SEC14L5: variants seen among roughly 807,000 people sequenced by gnomAD.
SEC14L5 encodes SEC14 like lipid binding 5, also known as SEC14-like protein 5.
In SEC14L5, 96 loss-of-function variants were observed where a neutral mutation model predicts 84.6. That is an observed-to-expected ratio of 1.13 (90% CI 0.96 to 1.34). The LOEUF is 1.34. Among genes scored for constraint, SEC14L5 ranks in the 40% most tolerant of loss-of-function variants. The pLI is 0.00. For missense variants in SEC14L5, 1,224 were observed against 942.5 expected (o/e 1.30, Z -3.91); for synonymous variants, 546 against 383.4 (o/e 1.42, Z -4.95).
chr16:5,014,991 C>A lies in SEC14L5; in HGVS notation c.*21C>A, dbSNP rs773333113. ...GATAGCCGGGCCCAGTGTTTCAGGG[C>A]CGCCCGCTCGCCTCCAGTGTCCAGA... On this transcript the variant is annotated 3_prime_UTR_variant, in exon 16 of 16. Coordinates refer to ENST00000251170, the MANE Select transcript of SEC14L5 (RefSeq NM_014692.2). 1 of 1,566,850 alleles carries A rather than the reference C, an allele frequency of 6.4e-7. No homozygotes were observed. The highest frequency in any genetic ancestry group is 8.7e-7 in the Non-Finnish European group (1 of 1,143,888).
Position 4,997,040 on chromosome 16 carries a change from C to T in SEC14L5, c.966C>T (p.Asp322=), listed in dbSNP as rs1055765862. 3 of 1,606,246 alleles carry T rather than the reference C, an allele frequency of 1.9e-6. No homozygotes were observed. Among genetic ancestry groups the T allele is most frequent in the South Asian group, 2.2e-5 (2 of 90,006 alleles). The change falls in exon 8 of 16, where the codon GAC becomes GAT. Residue 322 remains aspartate (D), a synonymous_variant. Coordinates refer to ENST00000251170, the MANE Select transcript of SEC14L5 (RefSeq NM_014692.2). ...EFYAGGWHYQ[D]IDGRPLYILR... is the part of the protein sequence containing the mutation. ...ATGCAGGGGGCTGGCATTACCAGGA[C>T]ATAGGTGCGTGCCTCCACCCACATC...
intron 2 of SEC14L5, among the ~76,000 whole-genome samples, chr16:4,984,107 G>A (rs1193522342): frequency 6.6e-6 from 1 of 152,042 alleles, no homozygotes; most frequent in Non-Finnish European, 1.5e-5. Context: ...AAGCTTCACC[G>A]CAATCAGCTT....
Position 5,015,604 on chromosome 16 carries a change from A to T in SEC14L5, c.*634A>T, listed in dbSNP as rs944368284. On this transcript the variant is annotated 3_prime_UTR_variant, in exon 16 of 16. Coordinates refer to ENST00000251170, the MANE Select transcript of SEC14L5 (RefSeq NM_014692.2). ...GATCACATGCACATCTCTGGAACCA[A>T]CCACCTGCTCTCAAAAGCACTAGTG... 1 of 152,816 alleles carries T rather than the reference A, an allele frequency of 6.5e-6. No individual in the cohort carries two copies. The highest frequency in any genetic ancestry group is 2.4e-5 in the African/African-American group (1 of 41,468). The allele number at this position is 152,816 out of a possible 1,614,324, so 9.5% of individuals were successfully genotyped here.
At chr16:5,009,473 G>C (rs1161796646) in intron 14 of SEC14L5, among the ~76,000 whole-genome samples, 1 of 151,946 alleles carries the variant, frequency 6.6e-6, no homozygotes, top group East Asian at 1.9e-4. Context: ...ACAGGTTCCC[G>C]CCACCATGTC....
intron 2 of SEC14L5, among the ~76,000 whole-genome samples, chr16:4,966,098 C>T (rs12930778): frequency 0.49 from 74,780 of 151,418 alleles, 18,618 homozygotes; most frequent in Middle Eastern, 0.52. Context: ...CAAACTCATA[C>T]ACAGCACTGA....
intron 2 of SEC14L5, among the ~76,000 whole-genome samples, chr16:4,964,777 C>T (rs1470234151): frequency 6.6e-6 from 1 of 151,546 alleles, no homozygotes; most frequent in Non-Finnish European, 1.5e-5. Flanking sequence ...GTCACCCAAG[C>T]TGGGGTGCAG....
At chr16:4,992,963 A>T (rs527765664) in intron 6 of SEC14L5, among the ~76,000 whole-genome samples, 1 of 152,258 alleles carries the variant, frequency 6.6e-6, no homozygotes, top group African/African-American at 2.4e-5. Flanking sequence ...TTGCCTGAAA[A>T]ACTTTCTGTA....
At chr16:5,006,187 G>C in intron 12 of SEC14L5, 139 bp downstream of exon 12, 1 of 826,690 alleles carries the variant, frequency 1.2e-6, no homozygotes, top group Non-Finnish European at 1.9e-6. Flanking sequence ...GGCAGGTCTT[G>C]CTGGCTCTCA....
intron 2 of SEC14L5, among the ~76,000 whole-genome samples, chr16:4,974,976 C>G (rs1336078486): frequency 6.6e-6 from 1 of 151,926 alleles, no homozygotes; most frequent in Non-Finnish European, 1.5e-5. Context: ...TGGGGTTTCA[C>G]CATGTTGGCC....
chr16:5,011,754 C>G (rs1955807434), intron 15 of SEC14L5, among the ~76,000 whole-genome samples: 2 of 152,154 alleles, frequency 1.3e-5, no homozygotes, highest in South Asian at 2.1e-4. Context: ...CTCTTTGAGC[C>G]TCAGGTGCTT....
intron 13 of SEC14L5, 65 bp downstream of exon 13, chr16:5,007,551 C>T: frequency 7.2e-7 from 1 of 1,380,524 alleles, no homozygotes; most frequent in Non-Finnish European, 1.0e-6. Flanking sequence ...GTCAGGTGAC[C>T]CCAAAACACA....
chr16:4,990,469 T>A (rs1011085222), intron 4 of SEC14L5, among the ~76,000 whole-genome samples: 8 of 152,238 alleles, frequency 5.3e-5, no homozygotes, highest in Non-Finnish European at 1.2e-4. Context: ...GACCTAAACA[T>A]AAGTATTTCT....
chr16:4,962,849 T>C lies in SEC14L5; in HGVS notation c.63+3463T>C, dbSNP rs543162663. Among the ~76,000 whole-genome samples the C allele has an allele frequency of 3.9e-5, 6 of 152,330 alleles. 1 individual carries two copies. Among genetic ancestry groups the C allele is most frequent in the African/African-American group, 1.4e-4 (6 of 41,584 alleles). On this transcript the variant is annotated intron_variant, in intron 2 of 15. Coordinates refer to ENST00000251170, the MANE Select transcript of SEC14L5 (RefSeq NM_014692.2). The stretch of plus-strand genomic sequence containing the variant: ...AGCAACACTGCCAACAAAGCCACTT[T>C]GCCGACTGTTTACAAAACATTATTG...
chr16:5,006,005 T>A lies in SEC14L5; in HGVS notation c.1394T>A (p.Leu465Gln), dbSNP rs771406805. The change falls in exon 12 of 16, where the codon CTG (leucine) becomes CAG (glutamine). Residue 465 changes from leucine (L) to glutamine (Q), a missense_variant. By Grantham distance (113) the Leu-to-Gln change is moderately radical. Transcript: ENST00000251170. ...GGACCCGGAGGCCTTGTGGACTATC[T>A]GGATAGAGAAGTGATCCCTGACTTC... ...YQGPGGLVDYLDREVIPDFLG... is the reference protein window; with the variant it reads ...YQGPGGLVDYQDREVIPDFLG... 1.9e-6 allele frequency: 3 copies of A among 1,613,872 alleles called. No homozygotes were observed. Among genetic ancestry groups the A allele is most frequent in the Non-Finnish European group, 2.5e-6 (3 of 1,179,828 alleles).
chr16:4,977,375 A>G (rs1246044949), intron 2 of SEC14L5, among the ~76,000 whole-genome samples: 2 of 123,238 alleles, frequency 1.6e-5, no homozygotes, highest in Non-Finnish European at 3.2e-5. Flanking sequence ...TGAACCCAGG[A>G]GGCGGAGGCG....
Position 5,007,483 on chromosome 16 carries a change from C to G in SEC14L5, c.1569C>G (p.His523Gln). The G allele has an allele frequency of 1.2e-6, 2 of 1,613,130 alleles. No individual in the cohort carries two copies. The highest frequency in any genetic ancestry group is 1.7e-6 in the Non-Finnish European group (2 of 1,179,696). Residue 523 changes from histidine to glutamine, a missense_variant, in exon 13 of 16, where the codon CAC (histidine) becomes CAG (glutamine). Transcript: ENST00000251170. ...HSASVLRGAP[H>Q]EVAVEILEGE... Reference sequence around the variant, plus strand: ...CCAGCGTGCTCCGCGGAGCCCCCCACGAGGTGCCAGGGCCTGGCCGGGGAG... The same window carrying G: ...CCAGCGTGCTCCGCGGAGCCCCCCAGGAGGTGCCAGGGCCTGGCCGGGGAG...
At chr16:5,003,682 C>CT in intron 11 of SEC14L5, 109 bp downstream of exon 11, 1 of 748,792 alleles carries the variant, frequency 1.3e-6, no homozygotes, top group Non-Finnish European at 2.1e-6. Flanking sequence ...CATTTAGTAA[C>CT]TTTTTGGAGA....
At chr16:4,997,405 G>A (rs1955624470) in intron 8 of SEC14L5, among the ~76,000 whole-genome samples, 1 of 152,104 alleles carries the variant, frequency 6.6e-6, no homozygotes, top group Non-Finnish European at 1.5e-5. Context: ...CGGCCCAAAT[G>A]CCCTTTAAAT....
chr16:5,011,256 C>CGCCTCTG lies in SEC14L5; in HGVS notation c.1963_1969dup (p.Glu657GlyfsTer3). On this transcript the variant is annotated frameshift_variant, in exon 15 of 16. Coordinates refer to ENST00000251170, the MANE Select transcript of SEC14L5 (RefSeq NM_014692.2). LOFTEE classifies it high-confidence loss of function. ...AACTTCTCTACTACTGTGAGGTGCT[C>CGCCTCTG]GCCTCTGAGGACTTCAGGTAGGAGG... The CGCCTCTG allele has an allele frequency of 6.2e-7, 1 of 1,613,708 alleles. No individual in the cohort carries two copies. The highest frequency in any genetic ancestry group is 8.5e-7 in the Non-Finnish European group (1 of 1,179,810).
Sources: allele counts gnomAD v4.1 joint callset (sites outside exome capture counted in the v4.1 genomes callset), GRCh38; gene constraint gnomAD v4.1.1; transcripts MANE v1.5; gene names NCBI Gene and HGNC (gene_info 2026-07-23, HGNC 2026-07-21).